The following RNLS variants were observed in gnomAD, a reference collection of about 807,000 sequenced individuals.
RNLS encodes the protein renalase.
A neutral mutation model predicts 39.8 loss-of-function variants in RNLS; 39 were observed. That is an observed-to-expected ratio of 0.98 (90% confidence interval 0.76 to 1.28). The LOEUF is 1.28. Among genes scored for constraint, RNLS ranks in the 50% most tolerant of loss-of-function variants. The pLI, the probability that RNLS is intolerant of heterozygous loss-of-function variation, is 0.00. For missense variants in RNLS, 410 were observed against 413.3 expected (o/e 0.99, Z 0.07); for synonymous variants, 147 against 150.7 (o/e 0.98, Z 0.18).
At chr10:88,361,715 G>A (rs1271518125) in intron 5 of RNLS, among the ~76,000 whole-genome samples, 4 of 152,174 alleles carry the variant, frequency 2.6e-5, no homozygotes, top group Non-Finnish European at 5.9e-5. Flanking sequence ...ACATTAGTTG[G>A]TGATTTTATC....
At chr10:88,314,833 C>T (rs1279929626) in intron 5 of RNLS, among the ~76,000 whole-genome samples, 192 bp from the exon 6 acceptor site, 1 of 152,128 alleles carries the variant, frequency 6.6e-6, no homozygotes, top group African/African-American at 2.4e-5. Context: ...AAGAGGAAGA[C>T]AGATTAAAGA....
At chr10:88,520,180 T>A (rs755427625) in intron 4 of RNLS, among the ~76,000 whole-genome samples, 12 of 151,978 alleles carry the variant, frequency 7.9e-5, no homozygotes, top group Admixed American at 3.3e-4. Flanking sequence ...TAGTGAGAAG[T>A]TCTTTGTTTT....
chr10:88,221,424 G>T, the RNLS span, among the ~76,000 whole-genome samples: 1 of 152,202 alleles, frequency 6.6e-6, no homozygotes, highest in Admixed American at 6.5e-5. Flanking sequence ...TCTTGCCTGG[G>T]GGATGGTTAT....
rs549667989 is a variant in RNLS, at chr10:88,407,442, T to C, written c.527-44717A>G. 1.5e-4 allele frequency among the ~76,000 whole-genome samples: 23 copies of C among 151,878 alleles called. 1 individual carries two copies. The South Asian group carries it at 4.8e-3, about 32-fold the overall frequency. ...TGAGAAAAAGGTGGTTATATATGGA[T>C]TGATGTGAGAGGAGAAATTTAATAA... On this transcript the variant is annotated intron_variant, in intron 4 of 6. Coordinates refer to ENST00000331772, the MANE Select transcript of RNLS (RefSeq NM_001031709.3).
intron 4 of RNLS, among the ~76,000 whole-genome samples, chr10:88,367,324 G>A (rs1850200411): frequency 6.6e-6 from 1 of 151,960 alleles, no homozygotes; most frequent in African/African-American, 2.4e-5. Context: ...AGAATGATAT[G>A]GTATATATTT....
chr10:88,469,475 G>A lies in RNLS; in HGVS notation c.526+103428C>T, dbSNP rs565649999. ...TTGCTGCCAGTGCCCAGGTTCCTAT[G>A]ACGAGGGAAGCAGCAGCATTCTATG... On this transcript the variant is annotated intron_variant, in intron 4 of 6. Coordinates refer to ENST00000331772, the MANE Select transcript of RNLS (RefSeq NM_001031709.3). Among the ~76,000 whole-genome samples, 403 of 152,280 alleles carry A rather than the reference G, an allele frequency of 2.6e-3. 2 individuals carry two copies. Among genetic ancestry groups the A allele is most frequent in the African/African-American group, 9.1e-3 (377 of 41,574 alleles).
chr10:88,204,531 T>C, the RNLS span, among the ~76,000 whole-genome samples: 1 of 152,146 alleles, frequency 6.6e-6, no homozygotes, highest in African/African-American at 2.4e-5. Flanking sequence ...AGATTTCAGA[T>C]GAATTCCAAT....
At chr10:88,530,893 C>T (rs1847384714) in intron 4 of RNLS, among the ~76,000 whole-genome samples, 1 of 151,934 alleles carries the variant, frequency 6.6e-6, no homozygotes, top group African/African-American at 2.4e-5. Flanking sequence ...TAGGTAAATC[C>T]ACAGGAAACA....
At chr10:88,415,217 T>C (rs188600243) in intron 4 of RNLS, among the ~76,000 whole-genome samples, 35 of 152,324 alleles carry the variant, frequency 2.3e-4, no homozygotes, top group Non-Finnish European at 2.9e-5. Flanking sequence ...AAATATTTAT[T>C]TCTCCTTGCC....
rs149935917 is a variant in RNLS at position 88,481,517 on chromosome 10, C to A, written c.526+91386G>T. On this transcript the variant is annotated intron_variant, in intron 4 of 6. Coordinates refer to ENST00000331772, the MANE Select transcript of RNLS (RefSeq NM_001031709.3). ...TTAGCAATTACAATATGCATCCTGA[C>A]TTATCACAATCAACTGCAGACTAAT... Among the ~76,000 whole-genome samples the A allele has an allele frequency of 3.9e-3, 591 of 152,216 alleles. 3 individuals are homozygous for A. Among genetic ancestry groups the A allele is most frequent in the African/African-American group, 0.014 (563 of 41,554 alleles).
chr10:88,260,054 A>G, the RNLS span, among the ~76,000 whole-genome samples: 1 of 152,104 alleles, frequency 6.6e-6, no homozygotes, highest in Non-Finnish European at 1.5e-5. Flanking sequence ...ATGGACTTTT[A>G]AGGAAAAAAA....
intron 4 of RNLS, among the ~76,000 whole-genome samples, chr10:88,553,084 A>G (rs1231792735): frequency 1.3e-5 from 2 of 152,314 alleles, no homozygotes; most frequent in South Asian, 2.1e-4. Flanking sequence ...AAAATTCTCC[A>G]TAGGAACAAC....
At chr10:88,196,519 T>G in the RNLS span, among the ~76,000 whole-genome samples, 1 of 152,202 alleles carries the variant, frequency 6.6e-6, no homozygotes, top group South Asian at 2.1e-4. Flanking sequence ...CCACTGGCTG[T>G]GACTTGCTTT....
intron 5 of RNLS, among the ~76,000 whole-genome samples, chr10:88,327,041 C>T (rs1846669734): frequency 6.6e-6 from 1 of 152,200 alleles, no homozygotes; most frequent in African/African-American, 2.4e-5. Flanking sequence ...TATCCAATGC[C>T]TATACCCCCA....
At chr10:88,533,668 T>C (rs1226653707) in intron 4 of RNLS, among the ~76,000 whole-genome samples, 1 of 152,064 alleles carries the variant, frequency 6.6e-6, no homozygotes, top group Admixed American at 6.6e-5. Context: ...AAAGGGCTTC[T>C]ATAGAAGTGC....
intron 3 of RNLS, among the ~76,000 whole-genome samples, chr10:88,574,971 C>T (rs893365409): frequency 3.3e-5 from 5 of 151,600 alleles, no homozygotes; most frequent in African/African-American, 1.2e-4. Flanking sequence ...TACGTTTTCT[C>T]ATAATATTCC....
At position 88,293,455 on chromosome 10, in the gene RNLS, C is replaced by T. The variant is rs192822489; in HGVS notation, c.877-7949G>A. Among the ~76,000 whole-genome samples the T allele has an allele frequency of 3.7e-3, 570 of 152,130 alleles. 1 individual carries two copies. The highest frequency in any genetic ancestry group is 6.3e-3 in the Non-Finnish European group (428 of 68,004). Reference sequence around the variant, plus strand: ...CACAAAGGTAGTTTTTCCCAAAAGGCAATCTGTGGCAAGATGAAAAAAAAG... The same window carrying T: ...CACAAAGGTAGTTTTTCCCAAAAGGTAATCTGTGGCAAGATGAAAAAAAAG... On this transcript the variant is annotated intron_variant, in intron 6 of 6. Coordinates refer to ENST00000331772, the MANE Select transcript of RNLS (RefSeq NM_001031709.3).
chr10:88,203,340 GTA>G, the RNLS span, among the ~76,000 whole-genome samples: 21 of 6,628 alleles, frequency 3.2e-3, 10 homozygotes, highest in East Asian at 6.9e-3. Flanking sequence ...ATATATACAC[GTA>G]TGTGTATATA....
At chr10:88,555,106 A>G (rs1848793180) in intron 4 of RNLS, among the ~76,000 whole-genome samples, 1 of 152,112 alleles carries the variant, frequency 6.6e-6, no homozygotes, top group Non-Finnish European at 1.5e-5. Context: ...GTGATACTGG[A>G]ATTTCATGGA....
Sources: allele counts gnomAD v4.1 joint callset (sites outside exome capture counted in the v4.1 genomes callset), GRCh38; gene constraint gnomAD v4.1.1; transcripts MANE v1.5; gene names NCBI Gene and HGNC (gene_info 2026-07-23, HGNC 2026-07-21).